Variants in ITPKB observed in about 807,000 individuals in gnomAD.
ITPKB encodes IP3 3-kinase B.
In ITPKB, 13 loss-of-function variants were observed where a neutral mutation model predicts 69.4. That is an observed-to-expected ratio of 0.19 (90% CI 0.12 to 0.30). The LOEUF is 0.30. ITPKB is among the 10% of genes least tolerant of loss of function. ITPKB has a pLI of 1.00. For missense variants in ITPKB, 1,240 were observed against 1,250.5 expected (o/e 0.99, Z 0.13); for synonymous variants, 584 against 513.7 (o/e 1.14, Z -1.85).
intron 4 of ITPKB, among the ~76,000 whole-genome samples, chr1:226,644,409 T>C (rs1460584262): frequency 6.6e-6 from 1 of 152,166 alleles, no homozygotes; most frequent in Non-Finnish European, 1.5e-5. Flanking sequence ...AGTGCTCCTT[T>C]GAGACAGGCC....
chr1:226,663,136 G>A (rs1669432619), intron 2 of ITPKB, among the ~76,000 whole-genome samples: 1 of 152,230 alleles, frequency 6.6e-6, no homozygotes, highest in African/African-American at 2.4e-5. Flanking sequence ...TTGACGGTAT[G>A]TGTGACGATA....
chr1:226,638,436 C>T (rs1228426281), intron 6 of ITPKB, among the ~76,000 whole-genome samples: 1 of 152,188 alleles, frequency 6.6e-6, no homozygotes, highest in Non-Finnish European at 1.5e-5. Context: ...CTGCCTGGTC[C>T]GCCCCCACTT....
intron 2 of ITPKB, among the ~76,000 whole-genome samples, chr1:226,718,916 G>A (rs976634219): frequency 3.9e-5 from 6 of 152,172 alleles, no homozygotes; most frequent in Admixed American, 6.5e-5. Context: ...ATGTGTACAC[G>A]AATGTTCACA....
In ITPKB at chr1:226,642,156, G is replaced by A. The variant is rs372972707; in HGVS notation, c.2247-31C>T. 5.1e-5 allele frequency: 81 copies of A among 1,582,300 alleles called. No homozygotes were observed. In the African/African-American group the frequency reaches 5.5e-4, roughly 11 times the overall value. ...TGGGAGGGAAGGCGACATGAGGGCC[G>A]AGGCCTGGGGCAGGGCTCACCAGCA... On this transcript the variant is annotated intron_variant, in intron 4 of 7. Transcript: ENST00000429204. The surrounding 1 kb of genome is among the most constrained non-coding windows in gnomAD (Gnocchi z 6.4).
In ITPKB at chr1:226,736,845, C is replaced by T. The variant is rs1422771284; in HGVS notation, c.614G>A (p.Trp205Ter). The T allele has an allele frequency of 6.2e-7, 1 of 1,612,440 alleles. No homozygotes were observed. Among genetic ancestry groups the T allele is most frequent in the Non-Finnish European group, 8.5e-7 (1 of 1,180,026 alleles). ...TGAAGTCTCTGGACATTGCTCCCCCCAGGACTTTGTCCTCCGTTCCTCGCT... is the reference window on the plus strand; with the variant it reads ...TGAAGTCTCTGGACATTGCTCCCCCTAGGACTTTGTCCTCCGTTCCTCGCT... ...ARSEERRTKSWGEQCPETSGT... is the reference protein window; with the variant it reads ...ARSEERRTKS The change falls in exon 2 of 8, where the codon TGG becomes TAG. Residue 205 changes from tryptophan to a stop codon, truncating the protein, a stop_gained. Transcript: ENST00000429204. LOFTEE classifies it high-confidence loss of function.
At chr1:226,727,381 T>C (rs1001559901) in intron 2 of ITPKB, among the ~76,000 whole-genome samples, 7 of 152,182 alleles carry the variant, frequency 4.6e-5, no homozygotes, top group African/African-American at 1.7e-4. Context: ...GGGAACTGCC[T>C]GGGGGTGCAG....
intron 2 of ITPKB, chr1:226,707,420 C>G (rs1408904221): frequency 2.1e-6 from 1 of 473,168 alleles, no homozygotes; most frequent in Non-Finnish European, 2.8e-6. Context: ...TGGTCTCAAT[C>G]TCTTGACCTC....
chr1:226,737,216 C>G lies in ITPKB; in HGVS notation c.243G>C (p.Arg81Ser), dbSNP rs1366386565. 2 of 1,569,378 alleles carry G rather than the reference C, an allele frequency of 1.3e-6. No homozygotes were observed. Among genetic ancestry groups the G allele is most frequent in the African/African-American group, 2.7e-5 (2 of 74,022 alleles). ...TGCCACTGCCGCTGCTACTATTCAG[C>G]CTGCGCCGGCCGCTCCGCCAGCCCC... ...SPGGWRSGRR[R>S]LNSSSGSGSG... Residue 81 changes from arginine (R) to serine (S), a missense_variant, in exon 2 of 8, where the codon AGG becomes AGC. Physicochemically the swap from Arg to Ser is moderately radical, Grantham distance 110. This residue lies in a region of ITPKB where 992 missense variants were observed against 853.8 expected (regional missense o/e 1.16). Coordinates refer to ENST00000429204, the MANE Select transcript of ITPKB (RefSeq NM_002221.4).
intron 2 of ITPKB, among the ~76,000 whole-genome samples, chr1:226,719,664 C>G (rs1186340743): frequency 1.3e-5 from 2 of 152,200 alleles, no homozygotes; most frequent in Non-Finnish European, 2.9e-5. Context: ...ATTATAAGCC[C>G]ACAACAGCTT....
At chr1:226,673,811 T>C (rs528662118) in intron 2 of ITPKB, among the ~76,000 whole-genome samples, 5 of 152,384 alleles carry the variant, frequency 3.3e-5, no homozygotes, top group African/African-American at 1.2e-4. Flanking sequence ...TAAGTTTTTC[T>C]ATCTGTACTG....
intron 2 of ITPKB, among the ~76,000 whole-genome samples, chr1:226,708,132 T>C (rs1184245806): frequency 6.6e-6 from 1 of 152,206 alleles, no homozygotes; most frequent in East Asian, 1.9e-4. Flanking sequence ...TACAATCAGA[T>C]TGCAATTATG....
intron 2 of ITPKB, among the ~76,000 whole-genome samples, chr1:226,710,342 CG>C (rs1656915566): frequency 6.6e-6 from 1 of 152,184 alleles, no homozygotes; most frequent in African/African-American, 2.4e-5. Context: ...GGGCCAGCTA[CG>C]TAAGTTTCAG....
At chr1:226,711,442 A>T (rs835666) in intron 2 of ITPKB, among the ~76,000 whole-genome samples, 18,903 of 101,854 alleles carry the variant, frequency 0.19, 1,487 homozygotes, top group East Asian at 0.27. Flanking sequence ...AGAGAGAGAG[A>T]GTGTGTGTGT....
At chr1:226,654,362 G>T (rs886272120) in intron 2 of ITPKB, among the ~76,000 whole-genome samples, 1 of 152,160 alleles carries the variant, frequency 6.6e-6, no homozygotes, top group African/African-American at 2.4e-5. Context: ...CCCAGCTCCC[G>T]ATTCTGCTCC....
chr1:226,652,258 G>T (rs1260052943), intron 2 of ITPKB, among the ~76,000 whole-genome samples: 1 of 152,202 alleles, frequency 6.6e-6, no homozygotes, highest in Non-Finnish European at 1.5e-5. Context: ...AGATTCCAGA[G>T]AATCAATGTC....
At chr1:226,708,549 C>G (rs1656867062) in intron 2 of ITPKB, among the ~76,000 whole-genome samples, 1 of 152,162 alleles carries the variant, frequency 6.6e-6, no homozygotes, top group Non-Finnish European at 1.5e-5. Context: ...CCTTAGACAC[C>G]ATGAAGAGCC....
rs115833935 is a variant in ITPKB, at chr1:226,738,061, A to T, written c.-205-398T>A. Among the ~76,000 whole-genome samples, 2,027 of 152,218 alleles carry T rather than the reference A, an allele frequency of 0.013. 51 individuals are homozygous for T. The highest frequency in any genetic ancestry group is 0.046 in the African/African-American group (1,930 of 41,526). ...CCAGCCACCGTCTCCGGGTCTCCCCAGCCTGAGCAAACATTGGCTATCCAG... is the reference window on the plus strand; with the variant it reads ...CCAGCCACCGTCTCCGGGTCTCCCCTGCCTGAGCAAACATTGGCTATCCAG... On this transcript the variant is annotated intron_variant, in intron 1 of 7. Coordinates refer to ENST00000429204, the MANE Select transcript of ITPKB (RefSeq NM_002221.4). This position sits in a 1 kb window ranked among gnomAD's most constrained non-coding sequence, Gnocchi z 4.2.
At chr1:226,733,075 C>T (rs1008242070) in intron 2 of ITPKB, among the ~76,000 whole-genome samples, 14 of 152,086 alleles carry the variant, frequency 9.2e-5, no homozygotes, top group South Asian at 8.3e-4. Context: ...GTGACTGGAA[C>T]GCTGAACATG....
chr1:226,678,493 T>C (rs774877067), intron 2 of ITPKB, among the ~76,000 whole-genome samples: 1 of 152,198 alleles, frequency 6.6e-6, no homozygotes, highest in Non-Finnish European at 1.5e-5. Flanking sequence ...AGGAACATGG[T>C]CTCTGGAGCC....
Sources: allele counts gnomAD v4.1 joint callset (sites outside exome capture counted in the v4.1 genomes callset), GRCh38; gene constraint gnomAD v4.1.1; regional missense constraint gnomAD v4.1.1; non-coding constraint Gnocchi (gnomAD v3.1); transcripts MANE v1.5; gene names NCBI Gene and HGNC (gene_info 2026-07-23, HGNC 2026-07-21).